The following PARD3B variants were observed in gnomAD, a reference collection of about 807,000 sequenced individuals.
PARD3B encodes par-3 family cell polarity regulator beta.
Under a neutral mutation model 130.2 loss-of-function variants are expected in PARD3B, and 103 were observed. The observed-to-expected ratio is 0.79, with a 90% CI of 0.67 to 0.93. The LOEUF is 0.93. Among genes scored for constraint, PARD3B ranks in the 40% least tolerant of loss-of-function variants. PARD3B has a pLI of 0.00. For synonymous variants in PARD3B, 583 were observed against 553.2 expected (o/e 1.05, Z -0.76); for missense variants, 1,609 against 1,499.2 (o/e 1.07, Z -1.21).
intron 1 of PARD3B, among the ~76,000 whole-genome samples, chr2:204,658,851 T>A (rs1349296156): frequency 6.6e-6 from 1 of 152,236 alleles, no homozygotes; most frequent in Non-Finnish European, 1.5e-5. Context: ...GTATTTTTAC[T>A]CTTTCATAAT....
At chr2:204,729,745 G>C (rs137987889) in intron 2 of PARD3B, among the ~76,000 whole-genome samples, 204 of 151,710 alleles carry the variant, frequency 1.3e-3, no homozygotes, top group African/African-American at 4.5e-3. Context: ...ATTTTTTATT[G>C]TTTTCATAGC....
At chr2:205,394,051 A>G (rs2045944887) in intron 18 of PARD3B, among the ~76,000 whole-genome samples, 1 of 152,152 alleles carries the variant, frequency 6.6e-6, no homozygotes, top group African/African-American at 2.4e-5. Flanking sequence ...TTACCTGACA[A>G]TTTATGTTGT....
intron 3 of PARD3B, among the ~76,000 whole-genome samples, chr2:205,005,222 A>G (rs1444086089): frequency 2.0e-5 from 3 of 152,114 alleles, no homozygotes; most frequent in African/African-American, 7.2e-5. Flanking sequence ...GTACACAAAA[A>G]GTATATACAC....
At chr2:204,680,052 G>T (rs2036751869) in intron 1 of PARD3B, among the ~76,000 whole-genome samples, 1 of 151,816 alleles carries the variant, frequency 6.6e-6, no homozygotes, top group Admixed American at 6.6e-5. Flanking sequence ...AAGGATATTG[G>T]TATCAAATTT....
At chr2:205,462,420 A>C (rs1019401767) in intron 20 of PARD3B, among the ~76,000 whole-genome samples, 14 of 152,160 alleles carry the variant, frequency 9.2e-5, no homozygotes, top group Non-Finnish European at 2.1e-4. Flanking sequence ...CTTAGTCTAA[A>C]CCAGCTTCAG....
At chr2:204,746,537 G>A (rs547112078) in intron 2 of PARD3B, among the ~76,000 whole-genome samples, 7 of 152,124 alleles carry the variant, frequency 4.6e-5, no homozygotes, top group Non-Finnish European at 8.8e-5. Flanking sequence ...TCTAGTTCTA[G>A]ATCCTTGAAG....
At chr2:204,594,723 A>G (rs2033214031) in intron 1 of PARD3B, among the ~76,000 whole-genome samples, 3 of 152,028 alleles carry the variant, frequency 2.0e-5, no homozygotes. Context: ...TCATACCTCT[A>G]TTGGTGGTTA....
intron 5 of PARD3B, 29 bp from the exon 6 acceptor site, chr2:205,113,462 A>G: frequency 1.3e-6 from 2 of 1,549,770 alleles, no homozygotes; most frequent in South Asian, 1.1e-5. Context: ...GCAGACACTC[A>G]TTTGTGCTCT....
chr2:205,380,241 A>G (rs1285061100), intron 18 of PARD3B, among the ~76,000 whole-genome samples: 4 of 73,886 alleles, frequency 5.4e-5, no homozygotes, highest in Non-Finnish European at 9.5e-5. Flanking sequence ...TAAAGAATAT[A>G]TATTATATAT....
chr2:205,324,249 T>C (rs2042860683), intron 18 of PARD3B, among the ~76,000 whole-genome samples: 2 of 152,218 alleles, frequency 1.3e-5, no homozygotes. Context: ...CTTTTTTAAA[T>C]TTATACATTT....
chr2:204,706,430 AAAT>A (rs1320980071), intron 2 of PARD3B, among the ~76,000 whole-genome samples: 2 of 152,106 alleles, frequency 1.3e-5, no homozygotes, highest in African/African-American at 4.8e-5. Flanking sequence ...TTTGAGAAGA[AAAT>A]AAGGGACAGT....
chr2:204,960,119 A>G (rs776114168), intron 2 of PARD3B, among the ~76,000 whole-genome samples: 1 of 152,224 alleles, frequency 6.6e-6, no homozygotes, highest in Non-Finnish European at 1.5e-5. Context: ...TGTTGAGCTT[A>G]TGACGTGCCT....
At chr2:204,997,474 A>C (rs189911203) in intron 3 of PARD3B, among the ~76,000 whole-genome samples, 1 of 152,158 alleles carries the variant, frequency 6.6e-6, no homozygotes, top group Admixed American at 6.5e-5. Flanking sequence ...ATTTGGATCT[A>C]TTCCTAAGTA....
At chr2:204,988,072 G>A (rs1201004409) in intron 3 of PARD3B, among the ~76,000 whole-genome samples, 1 of 152,100 alleles carries the variant, frequency 6.6e-6, no homozygotes, top group Non-Finnish European at 1.5e-5. Flanking sequence ...GGAGGAGGAT[G>A]AGGGCATGAA....
chr2:205,483,761 T>C (rs1304127716), intron 20 of PARD3B, among the ~76,000 whole-genome samples: 2 of 152,106 alleles, frequency 1.3e-5, no homozygotes, highest in Non-Finnish European at 2.9e-5. Context: ...AAAGTAAATA[T>C]ATAAAGAAAT....
rs1408709157 is a variant in PARD3B, at chr2:204,852,588, T to TATATACTAATATACTAATTTAAATATTA, written c.223-112564_223-112563insATATACTAATATACTAATTTAAATATTA. On this transcript the variant is annotated intron_variant, in intron 2 of 22. Coordinates refer to ENST00000406610, the MANE Select transcript of PARD3B (RefSeq NM_001302769.2). Reference sequence around the variant, plus strand: ...ATACACAGCAAGCAGCTTTAACCAGTGGATTTCTAGGGATTAGTATATTTC... The same window carrying TATATACTAATATACTAATTTAAATATTA: ...ATACACAGCAAGCAGCTTTAACCAGTATATACTAATATACTAATTTAAATATTAGGATTTCTAGGGATTAGTATATTTC... 5.7e-3 allele frequency among the ~76,000 whole-genome samples: 862 copies of TATATACTAATATACTAATTTAAATATTA among 152,236 alleles called. 7 individuals are homozygous for TATATACTAATATACTAATTTAAATATTA. The highest frequency in any genetic ancestry group is 0.02 in the African/African-American group (833 of 41,526).
intron 19 of PARD3B, among the ~76,000 whole-genome samples, chr2:205,410,304 A>G (rs2046553383): frequency 6.6e-6 from 1 of 152,190 alleles, no homozygotes; most frequent in Non-Finnish European, 1.5e-5. Context: ...GATTAAATAC[A>G]GCAGTGGCAG....
intron 1 of PARD3B, among the ~76,000 whole-genome samples, chr2:204,643,115 C>CCAAAAAAAAAAAAAAAAAAAA (rs557257879): frequency 3.1e-5 from 1 of 31,826 alleles, no homozygotes; most frequent in Non-Finnish European, 5.9e-5. Flanking sequence ...CTCTGTCTCA[C>CCAAAAAAAAAAAAAAAAAAAA]AAAAAAAAAA....
At chr2:204,928,729 A>G (rs1050059559) in intron 2 of PARD3B, among the ~76,000 whole-genome samples, 3 of 152,250 alleles carry the variant, frequency 2.0e-5, no homozygotes, top group Non-Finnish European at 2.9e-5. Context: ...AGCTTTGGGC[A>G]TGCTGATTTA....
Sources: gnomAD v4.1 joint callset for allele counts (sites outside exome capture counted in the v4.1 genomes callset) on GRCh38, gnomAD v4.1.1 for gene constraint, MANE v1.5 for transcripts, NCBI Gene and HGNC (gene_info 2026-07-23, HGNC 2026-07-21) for gene names.